SLC25A13: variants seen among roughly 807,000 people sequenced by gnomAD.
SLC25A13 encodes the protein electrogenic aspartate/glutamate antiporter SLC25A13, mitochondrial.
SLC25A13 carries 70 observed loss-of-function variants against 85.5 expected under a neutral mutation model. The observed-to-expected ratio is 0.82, with a 90% confidence interval of 0.68 to 1.00. The LOEUF (loss-of-function observed/expected upper bound fraction) is 1.00. Among genes scored for constraint, SLC25A13 ranks in the 50% least tolerant of loss-of-function variants. The probability of loss-of-function intolerance (pLI) is 0.00; values close to 1 mark genes in which losing one functional copy is unlikely to be tolerated. For synonymous variants in SLC25A13, 259 were observed against 288.7 expected, an observed-to-expected ratio of 0.90 and a Z score of 1.04; for missense variants, 765 against 819.8, an observed-to-expected ratio of 0.93 and a Z score of 0.82.
At chr7:96,244,793 T>G (rs1455958888) in intron 3 of SLC25A13, among the ~76,000 whole-genome samples, 1 of 152,192 alleles carries the variant, frequency 6.6e-6, no homozygotes, top group East Asian at 1.9e-4. Context: ...ATTCATTGGC[T>G]CCAGTGAAAT....
At chr7:96,191,031 G>C (rs1328523010) in intron 7 of SLC25A13, 78 bp downstream of exon 7, 15 of 1,510,196 alleles carry the variant, frequency 9.9e-6, no homozygotes, top group Non-Finnish European at 1.2e-5. Context: ...AAATAATAAA[G>C]TACTAGTTGC....
At chr7:96,131,507 CCA>C (rs1223699766) in intron 15 of SLC25A13, among the ~76,000 whole-genome samples, 1 of 152,114 alleles carries the variant, frequency 6.6e-6, no homozygotes, top group Admixed American at 6.5e-5. Flanking sequence ...ACAAAATAAG[CCA>C]ATATTTAATG....
At chr7:96,258,452 C>A (rs774472293) in intron 3 of SLC25A13, among the ~76,000 whole-genome samples, 1 of 152,142 alleles carries the variant, frequency 6.6e-6, no homozygotes, top group African/African-American at 2.4e-5. Context: ...CATGAGCAAA[C>A]TCCCATTCAC....
At chr7:96,268,407 C>T (rs970572206) in intron 3 of SLC25A13, among the ~76,000 whole-genome samples, 3 of 152,122 alleles carry the variant, frequency 2.0e-5, no homozygotes, top group South Asian at 2.1e-4. Flanking sequence ...AGTTCAGTTA[C>T]GTGGTACAGT....
intron 1 of SLC25A13, among the ~76,000 whole-genome samples, chr7:96,314,265 A>T (rs1242685939): frequency 6.6e-6 from 1 of 152,058 alleles, no homozygotes. Flanking sequence ...GCGAGAAAGA[A>T]AGGGTAGGAC....
chr7:96,184,954 T>A lies in SLC25A13; in HGVS notation c.991A>T (p.Arg331Trp). 1 of 1,614,186 alleles carries A rather than the reference T, an allele frequency of 6.2e-7. No homozygotes were observed. Among genetic ancestry groups the A allele is most frequent in the Non-Finnish European group, 8.5e-7 (1 of 1,180,016 alleles). ...CCAGCAACAGAACCCAGACCAAACCTGTAGGCCGACTCTGCAACTTGTAGA... is the reference window on the plus strand; with the variant it reads ...CCAGCAACAGAACCCAGACCAAACCAGTAGGCCGACTCTGCAACTTGTAGA... ...VLLQVAESAY[R>W]FGLGSVAGAV... Residue 331 changes from arginine (R) to tryptophan (W), a missense_variant, in exon 10 of 18, where the codon AGG (arginine) becomes TGG (tryptophan). Coordinates refer to ENST00000265631, the MANE Select transcript of SLC25A13 (RefSeq NM_014251.3).
intron 3 of SLC25A13, among the ~76,000 whole-genome samples, chr7:96,260,904 G>A (rs1797828814): frequency 6.6e-6 from 1 of 152,060 alleles, no homozygotes; most frequent in Non-Finnish European, 1.5e-5. Flanking sequence ...CTATTCCCAT[G>A]CTCAAAACCC....
intron 13 of SLC25A13, among the ~76,000 whole-genome samples, chr7:96,149,453 A>G (rs1792934322): frequency 6.6e-6 from 1 of 152,234 alleles, no homozygotes; most frequent in Non-Finnish European, 1.5e-5. Flanking sequence ...CAAGCCAACC[A>G]ACAGATAACA....
At chr7:96,131,129 G>A (rs1178003229) in intron 15 of SLC25A13, among the ~76,000 whole-genome samples, 1 of 152,120 alleles carries the variant, frequency 6.6e-6, no homozygotes, top group Non-Finnish European at 1.5e-5. Context: ...AGGGACCCTT[G>A]AAAAGAAGCA....
intron 3 of SLC25A13, among the ~76,000 whole-genome samples, chr7:96,235,148 T>C (rs1024938615): frequency 6.6e-6 from 1 of 152,214 alleles, no homozygotes; most frequent in Admixed American, 6.5e-5. Flanking sequence ...ACTAAATACA[T>C]TATAATTTCA....
rs529686822 is a variant in SLC25A13, at chr7:96,145,151, A to T, written c.1452+1405T>A. Reference sequence around the variant, plus strand: ...AGATTGAGCATTTTAAGTTCTACTTAAAAAAACAGCAGGTTTATTCCTAAG... The same window carrying T: ...AGATTGAGCATTTTAAGTTCTACTTTAAAAAACAGCAGGTTTATTCCTAAG... On this transcript the variant is annotated intron_variant, in intron 14 of 17. Transcript: ENST00000265631. 5.9e-5 allele frequency among the ~76,000 whole-genome samples: 9 copies of T among 152,314 alleles called. No individual in the cohort carries two copies. In the South Asian group the frequency reaches 1.9e-3, roughly 32 times the overall value.
At chr7:96,245,676 A>G (rs997697732) in intron 3 of SLC25A13, among the ~76,000 whole-genome samples, 7 of 152,236 alleles carry the variant, frequency 4.6e-5, no homozygotes, top group African/African-American at 1.7e-4. Context: ...GAGATCTACC[A>G]AAGACTTCTT....
chr7:96,189,881 A>G (rs916870418), intron 7 of SLC25A13, among the ~76,000 whole-genome samples: 1 of 152,192 alleles, frequency 6.6e-6, no homozygotes, highest in African/African-American at 2.4e-5. Context: ...TCTTGAATAT[A>G]CAGTTTAAAA....
chr7:96,194,025 T>C (rs1794958380), intron 5 of SLC25A13, among the ~76,000 whole-genome samples: 1 of 152,218 alleles, frequency 6.6e-6, no homozygotes, highest in Non-Finnish European at 1.5e-5. Flanking sequence ...AAACTCACTG[T>C]GCACTATATG....
At chr7:96,227,910 G>A (rs1284730641) in intron 4 of SLC25A13, among the ~76,000 whole-genome samples, 1 of 152,096 alleles carries the variant, frequency 6.6e-6, no homozygotes, top group Non-Finnish European at 1.5e-5. Context: ...TGTCACCCAG[G>A]CTGGAGTGCA....
Position 96,191,195 on chromosome 7 carries a change from A to C in SLC25A13, c.668T>G (p.Phe223Cys). Residue 223 changes from phenylalanine to cysteine, a missense_variant, in exon 7 of 18, where the codon TTT becomes TGT. Coordinates refer to ENST00000265631, the MANE Select transcript of SLC25A13 (RefSeq NM_014251.3). ...HQVSFSYFNGFNSLLNNMELI... is the reference protein window; with the variant it reads ...HQVSFSYFNGCNSLLNNMELI... The stretch of plus-strand genomic sequence containing the variant: ...TTCCATGTTGTTAAGGAGCGAATTA[A>C]ATCCATTAAAATAGGAGAAACTAAC... 1 of 1,614,122 alleles carries C rather than the reference A, an allele frequency of 6.2e-7. No homozygotes were observed. Among genetic ancestry groups the C allele is most frequent in the Non-Finnish European group, 8.5e-7 (1 of 1,180,000 alleles).
chr7:96,260,235 G>C (rs1016004739), intron 3 of SLC25A13, among the ~76,000 whole-genome samples: 1 of 151,910 alleles, frequency 6.6e-6, no homozygotes, highest in Non-Finnish European at 1.5e-5. Flanking sequence ...TTCAAGCAGA[G>C]CAACTGATTC....
At position 96,250,940 on chromosome 7, in the gene SLC25A13, T is replaced by C. The variant is rs532219413; in HGVS notation, c.213-16023A>G. On this transcript the variant is annotated intron_variant, in intron 3 of 17. Coordinates refer to ENST00000265631, the MANE Select transcript of SLC25A13 (RefSeq NM_014251.3). The stretch of plus-strand genomic sequence containing the variant: ...AATTAGACAAATACTTATGGAGTGC[T>C]ACTATGTGCCAGCCACGTTCTAGGA... Among the ~76,000 whole-genome samples, 179 of 152,244 alleles carry C rather than the reference T, an allele frequency of 1.2e-3. 1 individual carries two copies. The highest frequency in any genetic ancestry group is 1.1e-3 in the Non-Finnish European group (75 of 68,012).
At chr7:96,128,752 TATA>T (rs367558778) in intron 15 of SLC25A13, among the ~76,000 whole-genome samples, 32,526 of 139,680 alleles carry the variant, frequency 0.23, 3,814 homozygotes, top group Non-Finnish European at 0.26. Context: ...GAACTTAAAG[TATA>T]ATAATAATAA....
Sources: allele counts gnomAD v4.1 joint callset (sites outside exome capture counted in the v4.1 genomes callset), GRCh38; gene constraint gnomAD v4.1.1; transcripts MANE v1.5; gene names NCBI Gene and HGNC (gene_info 2026-07-23, HGNC 2026-07-21).